EIF2AK4: variants seen among roughly 807,000 people sequenced by gnomAD.
The protein encoded by EIF2AK4 is eukaryotic translation initiation factor 2 alpha kinase 4.
A neutral mutation model predicts 211.1 loss-of-function variants in EIF2AK4; 139 were observed. The observed-to-expected ratio is 0.66, with a 90% confidence interval of 0.57 to 0.76. The LOEUF is 0.76. EIF2AK4 is among the 30% of genes least tolerant of loss of function. The probability of loss-of-function intolerance (pLI) is 0.00; values close to 1 mark genes in which losing one functional copy is unlikely to be tolerated. For missense variants in EIF2AK4, 1,664 were observed against 2,043.8 expected (o/e 0.81, Z 3.58); for synonymous variants, 710 against 751.3 (o/e 0.94, Z 0.90).
chr15:39,954,043 C>A, intron 5 of EIF2AK4, 59 bp downstream of exon 5: 1 of 1,340,794 alleles, frequency 7.5e-7, no homozygotes, highest in Non-Finnish European at 1.0e-6. Flanking sequence ...GTTTTTATTT[C>A]CACTGATGAC....
chr15:40,005,664 C>T (rs1423021856), intron 23 of EIF2AK4, among the ~76,000 whole-genome samples: 1 of 151,432 alleles, frequency 6.6e-6, no homozygotes, highest in African/African-American at 2.4e-5. Context: ...CTCCGCCTCC[C>T]GGGTTCACGC....
At chr15:39,964,017 A>G (rs182895119) in intron 7 of EIF2AK4, among the ~76,000 whole-genome samples, 1 of 152,170 alleles carries the variant, frequency 6.6e-6, no homozygotes, top group Admixed American at 6.5e-5. Context: ...CACATTTCTC[A>G]GGTTGCTTCG....
chr15:39,980,338 G>C (rs2034763984), intron 13 of EIF2AK4, among the ~76,000 whole-genome samples: 1 of 152,114 alleles, frequency 6.6e-6, no homozygotes, highest in African/African-American at 2.4e-5. Context: ...TCTATAATTA[G>C]TTCTACTTTC....
intron 37 of EIF2AK4, among the ~76,000 whole-genome samples, chr15:40,033,523 T>C (rs749183624): frequency 2.6e-5 from 4 of 152,198 alleles, no homozygotes; most frequent in Non-Finnish European, 4.4e-5. Flanking sequence ...TTTTGCAACA[T>C]GTCATATCAA....
chr15:39,963,289 A>T (rs1445464256), intron 7 of EIF2AK4, among the ~76,000 whole-genome samples: 1 of 152,246 alleles, frequency 6.6e-6, no homozygotes, highest in Non-Finnish European at 1.5e-5. Flanking sequence ...AAGTGACAAC[A>T]TAAAACTACT....
chr15:39,951,937 T>A (rs1384342471), intron 4 of EIF2AK4, among the ~76,000 whole-genome samples: 1 of 152,240 alleles, frequency 6.6e-6, no homozygotes, highest in South Asian at 2.1e-4. Context: ...TATTTGTCAA[T>A]GATCTGTTCA....
At chr15:40,021,170 T>C in intron 31 of EIF2AK4, 143 bp downstream of exon 31, 1 of 937,204 alleles carries the variant, frequency 1.1e-6, no homozygotes. Context: ...ATTGCTGCAG[T>C]AACCAATTAC....
At chr15:39,943,285 TTGGGCCCA>T in intron 2 of EIF2AK4, 90 bp from the exon 3 acceptor site, 2 of 919,524 alleles carry the variant, frequency 2.2e-6, no homozygotes, top group Non-Finnish European at 3.1e-6. Context: ...ATTAAGGGCC[TTGGGCCCA>T]GAGTGCTTTC....
intron 7 of EIF2AK4, among the ~76,000 whole-genome samples, chr15:39,963,948 G>A (rs550493941): frequency 3.9e-5 from 6 of 152,252 alleles, no homozygotes; most frequent in South Asian, 4.1e-4. Flanking sequence ...TGTAAATAAC[G>A]TCTTACTCCA....
At chr15:40,023,640 T>C (rs1169571630) in intron 32 of EIF2AK4, among the ~76,000 whole-genome samples, 2 of 152,232 alleles carry the variant, frequency 1.3e-5, no homozygotes, top group Admixed American at 6.5e-5. Flanking sequence ...AGACCTGATA[T>C]GGGTAATTTG....
At chr15:39,970,520 A>G (rs1435436671) in intron 9 of EIF2AK4, among the ~76,000 whole-genome samples, 1 of 152,206 alleles carries the variant, frequency 6.6e-6, no homozygotes, top group Non-Finnish European at 1.5e-5. Flanking sequence ...CCACGCCTAT[A>G]CAGAAGTTTA....
rs774600815 is a variant in EIF2AK4 at position 40,001,145 on chromosome 15, A to G, written c.3080A>G (p.Tyr1027Cys). The G allele has an allele frequency of 3.1e-6, 5 of 1,614,148 alleles. No homozygotes were observed. Among genetic ancestry groups the G allele is most frequent in the Admixed American group, 1.7e-5 (1 of 60,016 alleles). ...CTGACCAACGTGGATGGGAAGGCCTACCGCACCATGATGGCCCAGATCTTC... is the reference window on the plus strand; with the variant it reads ...CTGACCAACGTGGATGGGAAGGCCTGCCGCACCATGATGGCCCAGATCTTC... ...HTLTNVDGKA[Y>C]RTMMAQIFSQ... Residue 1027 changes from tyrosine to cysteine, a missense_variant, in exon 21 of 39, where the codon TAC (tyrosine) becomes TGC (cysteine). By Grantham distance (194) the Tyr-to-Cys change is radical. Coordinates refer to ENST00000263791, the MANE Select transcript of EIF2AK4 (RefSeq NM_001013703.4).
chr15:39,990,164 G>A lies in EIF2AK4; in HGVS notation c.2527-109G>A, dbSNP rs2034922658. 4.9e-6 allele frequency: 5 copies of A among 1,030,184 alleles called. No individual in the cohort carries two copies. In the South Asian group the frequency reaches 7.2e-5, roughly 15 times the overall value. The allele number at this position is 1,030,184 out of a possible 1,614,324, so 63.8% of individuals were successfully genotyped here. A position where few individuals can be genotyped will look rare whatever the true frequency, so the allele number is the denominator to read the frequency against. On this transcript the variant is annotated intron_variant, in intron 15 of 38. Coordinates refer to ENST00000263791, the MANE Select transcript of EIF2AK4 (RefSeq NM_001013703.4). Reference sequence around the variant, plus strand: ...CAGCCTGGACCAGGGTGGTCTGTGGGAGAAGACCTCATACGATTTTCATCG... The same window carrying A: ...CAGCCTGGACCAGGGTGGTCTGTGGAAGAAGACCTCATACGATTTTCATCG...
At chr15:39,951,219 C>T (rs768898548) in intron 4 of EIF2AK4, among the ~76,000 whole-genome samples, 3 of 152,050 alleles carry the variant, frequency 2.0e-5, no homozygotes, top group Admixed American at 6.5e-5. Context: ...GACAGACTTT[C>T]GCTGTTGTTG....
intron 3 of EIF2AK4, among the ~76,000 whole-genome samples, chr15:39,944,559 GTAGC>G: frequency 6.6e-6 from 1 of 150,880 alleles, no homozygotes; most frequent in South Asian, 2.1e-4. Context: ...AGCCTCCCGA[GTAGC>G]TGGGACTACA....
In EIF2AK4 at chr15:39,934,240, T is replaced by G. The variant is rs1356420976; in HGVS notation, c.45T>G (p.Pro15=). Residue 15 remains proline, a synonymous_variant, in exon 1 of 39, where the codon CCT becomes CCG. Coordinates refer to ENST00000263791, the MANE Select transcript of EIF2AK4 (RefSeq NM_001013703.4). ...CCCCCGGGCGCGGCCGGGACGAGCC[T>G]CCGGAGAGCTACCCGCAACGACAGG... ...RGAPGRGRDE[P]PESYPQRQDH... 6.2e-7 allele frequency: 1 copy of G among 1,606,496 alleles called. No homozygotes were observed. The highest frequency in any genetic ancestry group is 1.7e-5 in the Admixed American group (1 of 59,446).
At chr15:39,971,802 G>A (rs1342261774) in intron 9 of EIF2AK4, among the ~76,000 whole-genome samples, 1 of 152,120 alleles carries the variant, frequency 6.6e-6, no homozygotes, top group East Asian at 1.9e-4. Flanking sequence ...ACTTTAGCTT[G>A]CATTGAAATC....
At chr15:40,003,995 A>G (rs2035126487) in intron 23 of EIF2AK4, among the ~76,000 whole-genome samples, 1 of 152,260 alleles carries the variant, frequency 6.6e-6, no homozygotes, top group South Asian at 2.1e-4. Flanking sequence ...GAATATGTGC[A>G]TGGCTGATAA....
rs569277860 is a variant in EIF2AK4, at chr15:40,016,610, T to C, written c.3868T>C (p.Tyr1290His). The change falls in exon 28 of 39, where the codon TAT becomes CAT. Residue 1290 changes from tyrosine to histidine, a missense_variant. Physicochemically the swap from Tyr to His is moderately conservative, Grantham distance 83. Around this residue, in one of 7 missense-constraint regions of EIF2AK4, gnomAD observed 622 missense variants for 796.8 expected, o/e 0.78. Transcript: ENST00000263791. ...AACAGGTATTGCACAGTTGGTGAAG[T>C]ATGGCTTAAAAGACCTAGAGGAGGT... ...QKTGIAQLVK[Y>H]GLKDLEEVVG... The C allele has an allele frequency of 2.3e-5, 37 of 1,614,242 alleles. 1 individual carries two copies. Among genetic ancestry groups the C allele is most frequent in the South Asian group, 1.4e-4 (13 of 91,084 alleles).
Sources: gnomAD v4.1 joint callset for allele counts (sites outside exome capture counted in the v4.1 genomes callset) on GRCh38, gnomAD v4.1.1 for gene constraint, gnomAD v4.1.1 regional missense constraint, MANE v1.5 for transcripts, NCBI Gene and HGNC (gene_info 2026-07-23, HGNC 2026-07-21) for gene names.